The following CHSY3 variants were observed in gnomAD, a reference collection of about 807,000 sequenced individuals.
The protein encoded by CHSY3 is chondroitin sulfate synthase 3, also known as N-acetylgalactosaminyl-proteoglycan 3-beta-glucuronosyltransferase 3.
CHSY3 carries 35 observed loss-of-function variants against 67.2 expected under a neutral mutation model. The observed-to-expected ratio is 0.52, with a 90% CI of 0.40 to 0.69. The LOEUF is 0.69. CHSY3 is among the 30% of genes least tolerant of loss of function. CHSY3 has a pLI of 0.00. For synonymous variants in CHSY3, 474 were observed against 434.7 expected (o/e 1.09, Z -1.12); for missense variants, 1,069 against 1,138.5 (o/e 0.94, Z 0.88).
At chr5:129,914,605 C>A (rs1050851369) in intron 2 of CHSY3, among the ~76,000 whole-genome samples, 1 of 152,218 alleles carries the variant, frequency 6.6e-6, no homozygotes, top group African/African-American at 2.4e-5. Flanking sequence ...CTTCTCACAC[C>A]TACTCTTCCC....
rs147857014 is a variant in CHSY3 at position 130,184,305 on chromosome 5, A to T, written c.1163A>T (p.His388Leu). 1 of 1,613,992 alleles carries T rather than the reference A, an allele frequency of 6.2e-7. No homozygotes were observed. The highest frequency in any genetic ancestry group is 8.5e-7 in the Non-Finnish European group (1 of 1,179,908). Residue 388 changes from histidine to leucine, a missense_variant, in exon 3 of 3, where the codon CAT becomes CTT. This residue lies in a region of CHSY3 where 216 missense variants were observed against 311.5 expected (regional missense o/e 0.69). Transcript: ENST00000305031. ...CAAGACCTTCACAATAGCAAAATCC[A>T]TGCAGCCATAACACTTCATCCCAAC... ...YIQDLHNSKIHAAITLHPNKR... is the reference protein window; with the variant it reads ...YIQDLHNSKILAAITLHPNKR...
intron 2 of CHSY3, among the ~76,000 whole-genome samples, chr5:130,093,942 A>C (rs1411454786): frequency 6.6e-6 from 1 of 152,148 alleles, no homozygotes. Context: ...CATTCTGGTG[A>C]TCACTTGTCT....
intron 2 of CHSY3, among the ~76,000 whole-genome samples, chr5:129,947,089 T>C (rs1286656901): frequency 1.3e-5 from 2 of 152,166 alleles, no homozygotes; most frequent in Non-Finnish European, 2.9e-5. Context: ...CATTTCAGCA[T>C]GGCTGGGGAG....
In CHSY3 at chr5:130,004,152, A is replaced by G. The variant is rs73241796; in HGVS notation, c.1086+95792A>G. 9.0e-3 allele frequency among the ~76,000 whole-genome samples: 1,371 copies of G among 152,288 alleles called. 18 individuals carry two copies. Among genetic ancestry groups the G allele is most frequent in the African/African-American group, 0.031 (1,302 of 41,564 alleles). On this transcript the variant is annotated intron_variant, in intron 2 of 2. Coordinates refer to ENST00000305031, the MANE Select transcript of CHSY3 (RefSeq NM_175856.5). ...TTAATTCTTAAAATTTATTCAGACTATAACTCTTGAAAAGCTAAAATGCAG... is the reference window on the plus strand; with the variant it reads ...TTAATTCTTAAAATTTATTCAGACTGTAACTCTTGAAAAGCTAAAATGCAG...
chr5:129,921,340 C>T (rs975178959), intron 2 of CHSY3, among the ~76,000 whole-genome samples: 1 of 152,114 alleles, frequency 6.6e-6, no homozygotes, highest in Admixed American at 6.5e-5. Context: ...GTCTGAGAAT[C>T]GAGGTGGCTA....
intron 2 of CHSY3, among the ~76,000 whole-genome samples, chr5:130,142,236 G>T (rs868012167): frequency 2.0e-5 from 3 of 152,196 alleles, no homozygotes; most frequent in Admixed American, 6.5e-5. Flanking sequence ...CTAGCAGTCA[G>T]TATCTACTGA....
At chr5:130,128,315 T>A (rs1406333311) in intron 2 of CHSY3, among the ~76,000 whole-genome samples, 1 of 151,970 alleles carries the variant, frequency 6.6e-6, no homozygotes, top group Non-Finnish European at 1.5e-5. Flanking sequence ...TATGTGTGTA[T>A]GTGTAAATAA....
chr5:129,912,597 A>C (rs1484083426), intron 2 of CHSY3, among the ~76,000 whole-genome samples: 2 of 152,126 alleles, frequency 1.3e-5, no homozygotes, highest in Non-Finnish European at 1.5e-5. Context: ...AGATAAAATA[A>C]ATTTCAAATG....
At chr5:130,144,194 G>T (rs1003866877) in intron 2 of CHSY3, among the ~76,000 whole-genome samples, 4 of 151,546 alleles carry the variant, frequency 2.6e-5, no homozygotes, top group African/African-American at 9.7e-5. Context: ...AATGACTTTT[G>T]ATATAAATAA....
intron 2 of CHSY3, among the ~76,000 whole-genome samples, chr5:130,138,500 G>GT (rs1768746753): frequency 6.6e-6 from 1 of 152,206 alleles, no homozygotes; most frequent in Admixed American, 6.5e-5. Context: ...ACTGAAGCCA[G>GT]TTAAATGGCA....
chr5:130,160,817 G>A (rs1190946439), intron 2 of CHSY3, among the ~76,000 whole-genome samples: 1 of 152,072 alleles, frequency 6.6e-6, no homozygotes, highest in Non-Finnish European at 1.5e-5. Context: ...TACAACTACA[G>A]ATAATCCTTT....
At chr5:130,137,900 A>T (rs1420080331) in intron 2 of CHSY3, among the ~76,000 whole-genome samples, 1 of 152,170 alleles carries the variant, frequency 6.6e-6, no homozygotes, top group Non-Finnish European at 1.5e-5. Context: ...CAACATTGTT[A>T]CAACTTCTAC....
intron 2 of CHSY3, among the ~76,000 whole-genome samples, chr5:130,007,845 C>G (rs1763920139): frequency 6.6e-6 from 1 of 152,102 alleles, no homozygotes. Flanking sequence ...TCTGAATACC[C>G]CCTTGTCTGC....
chr5:129,923,167 G>A (rs530464061), intron 2 of CHSY3, among the ~76,000 whole-genome samples: 2 of 152,286 alleles, frequency 1.3e-5, no homozygotes, highest in African/African-American at 4.8e-5. Context: ...GAGAGAATTT[G>A]CAGAACTAGT....
intron 2 of CHSY3, among the ~76,000 whole-genome samples, chr5:130,062,601 A>G (rs918459041): frequency 6.6e-6 from 1 of 152,268 alleles, no homozygotes; most frequent in East Asian, 1.9e-4. Flanking sequence ...GTTCTAAGGT[A>G]CATGTGCATA....
intron 2 of CHSY3, among the ~76,000 whole-genome samples, chr5:129,981,466 A>C (rs1762982959): frequency 6.6e-6 from 1 of 151,984 alleles, no homozygotes; most frequent in Non-Finnish European, 1.5e-5. Context: ...TCTGCAAATA[A>C]GGACAGTTTT....
At chr5:130,178,185 GTGTA>G (rs1172527214) in intron 2 of CHSY3, among the ~76,000 whole-genome samples, 2 of 101,878 alleles carry the variant, frequency 2.0e-5, no homozygotes, top group Non-Finnish European at 3.9e-5. Flanking sequence ...ATATGTGTGT[GTGTA>G]TATATATATA....
intron 2 of CHSY3, among the ~76,000 whole-genome samples, chr5:130,131,841 A>G (rs1447939615): frequency 6.6e-6 from 1 of 152,162 alleles, no homozygotes; most frequent in East Asian, 1.9e-4. Flanking sequence ...CAATGTGTGT[A>G]TGTGAGAAGC....
At chr5:130,144,560 G>C (rs1769013907) in intron 2 of CHSY3, among the ~76,000 whole-genome samples, 2 of 152,038 alleles carry the variant, frequency 1.3e-5, no homozygotes, top group South Asian at 4.1e-4. Context: ...AAATAATATT[G>C]TTAAAATGTC....
Sources: allele counts gnomAD v4.1 joint callset (sites outside exome capture counted in the v4.1 genomes callset), GRCh38; gene constraint gnomAD v4.1.1; regional missense constraint gnomAD v4.1.1; transcripts MANE v1.5; gene names NCBI Gene and HGNC (gene_info 2026-07-23, HGNC 2026-07-21).